CLIC6: variants seen among roughly 807,000 people sequenced by gnomAD.
CLIC6 encodes the protein chloride intracellular channel protein 6.
CLIC6 carries 39 observed loss-of-function variants against 49.2 expected under a neutral mutation model. The ratio of observed to expected loss-of-function variants is 0.79; its 90% CI spans 0.61 to 1.04. The LOEUF (loss-of-function observed/expected upper bound fraction) is 1.04. Among genes scored for constraint, CLIC6 ranks in the 50% least tolerant of loss-of-function variants. CLIC6 has a pLI of 0.00. For missense variants in CLIC6, 988 were observed against 993.1 expected (o/e 0.99, Z 0.07); for synonymous variants, 446 against 433.4 (o/e 1.03, Z -0.36).
intron 1 of CLIC6, among the ~76,000 whole-genome samples, chr21:34,702,521 C>T (rs1990209446): frequency 6.6e-6 from 1 of 152,178 alleles, no homozygotes; most frequent in East Asian, 1.9e-4. Context: ...TGTTCATCAA[C>T]CCCGTACGTC....
chr21:34,669,370 A>C lies in CLIC6; in HGVS notation c.-19A>C. Reference sequence around the variant, plus strand: ...AGCGTCAAGGAAGGAGTCCCGATCAAGGACAGGGATCTGCGGCCATGGCCG... The same window carrying C: ...AGCGTCAAGGAAGGAGTCCCGATCACGGACAGGGATCTGCGGCCATGGCCG... On this transcript the variant is annotated 5_prime_UTR_variant, in exon 1 of 6. Transcript: ENST00000349499. 1.6e-6 allele frequency: 2 copies of C among 1,236,576 alleles called. No homozygotes were observed. Among genetic ancestry groups the C allele is most frequent in the Non-Finnish European group, 2.0e-6 (2 of 990,100 alleles). The allele number at this position is 1,236,576 out of a possible 1,614,324, so 76.6% of individuals were successfully genotyped here. A position where few individuals can be genotyped will look rare whatever the true frequency, so the allele number is the denominator to read the frequency against.
intron 1 of CLIC6, among the ~76,000 whole-genome samples, chr21:34,702,444 G>A (rs1016323220): frequency 6.6e-6 from 1 of 152,180 alleles, no homozygotes; most frequent in Non-Finnish European, 1.5e-5. Flanking sequence ...CCATATGCCA[G>A]ATGCTGACAG....
chr21:34,685,570 A>T (rs1989861687), intron 1 of CLIC6, among the ~76,000 whole-genome samples: 1 of 152,116 alleles, frequency 6.6e-6, no homozygotes, highest in Non-Finnish European at 1.5e-5. Context: ...TCCGGGTTGG[A>T]TGTCTTCAAC....
chr21:34,679,102 C>G (rs1205589604), intron 1 of CLIC6, among the ~76,000 whole-genome samples: 1 of 152,200 alleles, frequency 6.6e-6, no homozygotes, highest in East Asian at 1.9e-4. Context: ...TGTTCTCACG[C>G]TGTTGTGAAG....
chr21:34,707,211 G>T, intron 1 of CLIC6, 69 bp from the exon 2 acceptor site: 1 of 1,134,006 alleles, frequency 8.8e-7, no homozygotes, highest in East Asian at 2.3e-5. Flanking sequence ...TTTTGCATGT[G>T]CATGTTGTGG....
rs761594203 is a variant in CLIC6 at position 34,716,439 on chromosome 21, A to G, written c.2018A>G (p.Glu673Gly). 6.2e-7 allele frequency: 1 copy of G among 1,613,834 alleles called. No homozygotes were observed. Among genetic ancestry groups the G allele is most frequent in the African/African-American group, 1.3e-5 (1 of 74,928 alleles). Residue 673 changes from glutamate to glycine, a missense_variant, in exon 6 of 6, where the codon GAG (glutamate) becomes GGG (glycine). Physicochemically the swap from Glu to Gly is moderately conservative, Grantham distance 98. Coordinates refer to ENST00000349499, the MANE Select transcript of CLIC6 (RefSeq NM_053277.3). Reference sequence around the variant, plus strand: ...ACAAATACGTGTCCAGCTGATCAAGAGATTGAACACGCATATTCAGATGTT... The same window carrying G: ...ACAAATACGTGTCCAGCTGATCAAGGGATTGAACACGCATATTCAGATGTT... ...EFTNTCPADQEIEHAYSDVAK... is the reference protein window; with the variant it reads ...EFTNTCPADQGIEHAYSDVAK...
At chr21:34,673,795 C>T (rs79480381) in intron 1 of CLIC6, among the ~76,000 whole-genome samples, 4,761 of 152,214 alleles carry the variant, frequency 0.031, 252 homozygotes, top group African/African-American at 0.11. Context: ...GTTTGAAATA[C>T]TTGATGTAAA....
intron 1 of CLIC6, among the ~76,000 whole-genome samples, chr21:34,705,526 A>G (rs1350016340): frequency 1.3e-5 from 2 of 152,158 alleles, no homozygotes; most frequent in Non-Finnish European, 2.9e-5. Flanking sequence ...AGCAACTTCA[A>G]GATACCTGGA....
At chr21:34,694,634 A>C (rs2145809595) in intron 1 of CLIC6, among the ~76,000 whole-genome samples, 1 of 152,198 alleles carries the variant, frequency 6.6e-6, no homozygotes, top group African/African-American at 2.4e-5. Context: ...CATGATTGTA[A>C]GTTTCCTGAG....
Position 34,716,444 on chromosome 21 carries a change from G to A in CLIC6, c.2023G>A (p.Glu675Lys), listed in dbSNP as rs764584294. The A allele has an allele frequency of 1.2e-6, 2 of 1,613,802 alleles. No individual in the cohort carries two copies. The highest frequency in any genetic ancestry group is 1.1e-5 in the South Asian group (1 of 91,002). Residue 675 changes from glutamate (E) to lysine (K), a missense_variant, in exon 6 of 6, where the codon GAA becomes AAA. Around this residue, in one of 3 missense-constraint regions of CLIC6, gnomAD observed 647 missense variants for 596.9 expected, o/e 1.08. Coordinates refer to ENST00000349499, the MANE Select transcript of CLIC6 (RefSeq NM_053277.3). ...TACGTGTCCAGCTGATCAAGAGATT[G>A]AACACGCATATTCAGATGTTGCAAA... The part of the protein sequence containing the change: ...TNTCPADQEI[E>K]HAYSDVAKRM...
intron 1 of CLIC6, among the ~76,000 whole-genome samples, chr21:34,678,729 A>G (rs572930590): frequency 1.3e-5 from 2 of 152,358 alleles, no homozygotes; most frequent in African/African-American, 4.8e-5. Flanking sequence ...AAATTTTAGT[A>G]TAACATATTT....
At chr21:34,681,233 G>A (rs963146884) in intron 1 of CLIC6, among the ~76,000 whole-genome samples, 3 of 152,300 alleles carry the variant, frequency 2.0e-5, no homozygotes, top group East Asian at 1.9e-4. Flanking sequence ...GAGTGAAGGC[G>A]GAAGCCATTT....
At chr21:34,712,624 G>T (rs1008093863) in intron 5 of CLIC6, among the ~76,000 whole-genome samples, 8 of 152,192 alleles carry the variant, frequency 5.3e-5, no homozygotes, top group South Asian at 4.1e-4. Context: ...GCCACACAGA[G>T]ACGCCATCTT....
At chr21:34,696,797 T>C (rs1990096994) in intron 1 of CLIC6, among the ~76,000 whole-genome samples, 1 of 152,260 alleles carries the variant, frequency 6.6e-6, no homozygotes, top group Non-Finnish European at 1.5e-5. Context: ...AACTGGAATC[T>C]GCGATCTTCT....
chr21:34,688,764 T>C (rs1486656140), intron 1 of CLIC6, among the ~76,000 whole-genome samples: 1 of 152,150 alleles, frequency 6.6e-6, no homozygotes, highest in Non-Finnish European at 1.5e-5. Context: ...AGACTGATTT[T>C]CCTCCTTCTC....
Position 34,674,056 on chromosome 21 carries a change from G to A in CLIC6, c.1374+3294G>A, listed in dbSNP as rs537921870. Among the ~76,000 whole-genome samples the A allele has an allele frequency of 9.9e-4, 151 of 152,264 alleles. 1 individual carries two copies. The highest frequency in any genetic ancestry group is 3.3e-3 in the African/African-American group (138 of 41,548). ...CTCCTAGCCTTCATATGACAGCTGA[G>A]CAAACACATTTTAAAATCAGTTAGC... On this transcript the variant is annotated intron_variant, in intron 1 of 5. Coordinates refer to ENST00000349499, the MANE Select transcript of CLIC6 (RefSeq NM_053277.3).
At chr21:34,707,248 G>A (rs773405447) in intron 1 of CLIC6, 32 bp from the exon 2 acceptor site, 3 of 1,503,448 alleles carry the variant, frequency 2.0e-6, no homozygotes, top group South Asian at 2.3e-5. Context: ...TGTGAGACTG[G>A]CTCAGATAGA....
At chr21:34,706,858 A>G (rs1300539958) in intron 1 of CLIC6, among the ~76,000 whole-genome samples, 2 of 152,236 alleles carry the variant, frequency 1.3e-5, no homozygotes, top group East Asian at 3.8e-4. Flanking sequence ...TTTAGCTATT[A>G]TACCAAAGCT....
At position 34,682,555 on chromosome 21, in the gene CLIC6, T is replaced by C. The variant is rs1357143719; in HGVS notation, c.1374+11793T>C. On this transcript the variant is annotated intron_variant, in intron 1 of 5. Transcript: ENST00000349499. ...TTTGATGTTAAAGAAGTTAGACTTT[T>C]GTCTGTCACATGTGTTCCATATATT... 2.0e-5 allele frequency among the ~76,000 whole-genome samples: 3 copies of C among 152,148 alleles called. No individual in the cohort carries two copies. The East Asian group carries it at 5.8e-4, about 29-fold the overall frequency.
Sources: gnomAD v4.1 joint callset for allele counts (sites outside exome capture counted in the v4.1 genomes callset) on GRCh38, gnomAD v4.1.1 for gene constraint, gnomAD v4.1.1 regional missense constraint, MANE v1.5 for transcripts, NCBI Gene and HGNC (gene_info 2026-07-23, HGNC 2026-07-21) for gene names.